PTK7: variants seen among roughly 807,000 people sequenced by gnomAD.
PTK7 encodes the protein protein tyrosine kinase 7 (inactive), also known as inactive tyrosine-protein kinase 7.
Under a neutral mutation model 116.6 loss-of-function variants are expected in PTK7, and 39 were observed. That is an observed-to-expected ratio of 0.33 (90% confidence interval 0.26 to 0.44). The LOEUF (loss-of-function observed/expected upper bound fraction) is 0.44, where lower values mean the gene tolerates loss of function less well. PTK7 is among the 20% of genes least tolerant of loss of function. PTK7 has a pLI of 1.00. For synonymous variants in PTK7, 546 were observed against 563.6 expected, an observed-to-expected ratio of 0.97 and a Z score of 0.44; for missense variants, 1,169 against 1,425.6, an observed-to-expected ratio of 0.82 and a Z score of 2.90.
intron 1 of PTK7, among the ~76,000 whole-genome samples, chr6:43,115,327 T>C (rs756440171): frequency 1.3e-5 from 2 of 152,082 alleles, no homozygotes; most frequent in African/African-American, 2.4e-5. Flanking sequence ...TATAAACTTA[T>C]TAGGAAGTTT....
At chr6:43,134,435 C>G (rs1410089990) in intron 7 of PTK7, among the ~76,000 whole-genome samples, 1 of 151,834 alleles carries the variant, frequency 6.6e-6, no homozygotes, top group African/African-American at 2.4e-5. Context: ...TCTCTTGAGC[C>G]CAGGAGTTTG....
rs747169169 is a variant in PTK7, at chr6:43,129,877, A to G, written c.470+48A>G. ...ATGAAGAGGGTTATTCCGGACAGGG[A>G]TGTCTCCCCAAATCTTGGACTCTAT... On this transcript the variant is annotated intron_variant, in intron 3 of 19. Coordinates refer to ENST00000230419, the MANE Select transcript of PTK7 (RefSeq NM_002821.5). This position sits in a 1 kb window ranked among gnomAD's most constrained non-coding sequence, Gnocchi z 4.5. 5 of 1,558,082 alleles carry G rather than the reference A, an allele frequency of 3.2e-6. No individual in the cohort carries two copies. The African/African-American group carries it at 6.8e-5, about 21-fold the overall frequency.
chr6:43,087,095 A>C (rs2150374303), intron 1 of PTK7, among the ~76,000 whole-genome samples: 1 of 152,282 alleles, frequency 6.6e-6, no homozygotes, highest in East Asian at 1.9e-4. Flanking sequence ...AGCCCTCTTC[A>C]CTACTGTTCT....
At chr6:43,117,658 C>T (rs889456035) in intron 1 of PTK7, among the ~76,000 whole-genome samples, 2 of 152,080 alleles carry the variant, frequency 1.3e-5, no homozygotes, top group Non-Finnish European at 2.9e-5. Flanking sequence ...TGGTTCACGC[C>T]AGTCCCAGTC....
intron 1 of PTK7, among the ~76,000 whole-genome samples, chr6:43,101,683 A>C (rs1161769449): frequency 2.0e-5 from 3 of 152,250 alleles, no homozygotes; most frequent in Non-Finnish European, 2.9e-5. Flanking sequence ...GAACAGATGG[A>C]CAACAGCCTG....
intron 1 of PTK7, among the ~76,000 whole-genome samples, chr6:43,125,406 T>C (rs2150421699): frequency 6.6e-6 from 1 of 152,184 alleles, no homozygotes; most frequent in Admixed American, 6.5e-5. Context: ...TGCTGGAGGC[T>C]GAGCTGGGGG....
At chr6:43,108,518 G>A (rs896178341) in intron 1 of PTK7, among the ~76,000 whole-genome samples, 15 of 151,200 alleles carry the variant, frequency 9.9e-5, no homozygotes, top group African/African-American at 3.6e-4. Flanking sequence ...TCCCATCTCA[G>A]CCTCCCAAGT....
intron 7 of PTK7, among the ~76,000 whole-genome samples, chr6:43,133,964 A>G (rs1011910456): frequency 1.3e-5 from 2 of 152,230 alleles, no homozygotes; most frequent in African/African-American, 4.8e-5. Context: ...CTCACAGTGC[A>G]GGTGCAAAGG....
chr6:43,081,278 C>T (rs745724307), intron 1 of PTK7, among the ~76,000 whole-genome samples: 2 of 152,218 alleles, frequency 1.3e-5, no homozygotes, highest in Admixed American at 6.5e-5. Context: ...GTCATTCTTG[C>T]GACACCATCC....
chr6:43,138,618 T>C, intron 7 of PTK7: 1 of 451,320 alleles, frequency 2.2e-6, no homozygotes, highest in Non-Finnish European at 3.9e-6. Flanking sequence ...GCCATAATTG[T>C]GTCACTCTAC....
chr6:43,147,689 T>C (rs1770802911), intron 17 of PTK7, among the ~76,000 whole-genome samples: 1 of 152,204 alleles, frequency 6.6e-6, no homozygotes, highest in African/African-American at 2.4e-5. Context: ...CCAATCTCTC[T>C]GGGGAAGCAG....
At position 43,139,552 on chromosome 6, in the gene PTK7, G is replaced by A. The variant is rs776336436; in HGVS notation, c.1618+27G>A. 1 of 1,613,020 alleles carries A rather than the reference G, an allele frequency of 6.2e-7. No individual in the cohort carries two copies. The highest frequency in any genetic ancestry group is 2.2e-5 in the East Asian group (1 of 44,882). On this transcript the variant is annotated intron_variant, in intron 10 of 19. Transcript: ENST00000230419. This position sits in a 1 kb window ranked among gnomAD's most constrained non-coding sequence, Gnocchi z 4.6. ...TGGGTACAGTGCCGGCATAGGGTAG[G>A]GGCAGGCAGGCAGTTCACTGATCAG...
At chr6:43,110,365 A>T (rs1178183633) in intron 1 of PTK7, among the ~76,000 whole-genome samples, 2 of 150,776 alleles carry the variant, frequency 1.3e-5, no homozygotes, top group African/African-American at 4.9e-5. Context: ...CCATGTTTCT[A>T]TTAGAATTTT....
At chr6:43,140,703 T>G (rs929433568) in intron 10 of PTK7, among the ~76,000 whole-genome samples, 6 of 152,060 alleles carry the variant, frequency 3.9e-5, no homozygotes. Context: ...ACCTGGGCAA[T>G]ACAGGGAGAC....
At position 43,109,701 on chromosome 6, in the gene PTK7, C is replaced by CT. The variant is rs869108681; in HGVS notation, c.80-19261dup. Among the ~76,000 whole-genome samples, 367 of 139,752 alleles carry CT rather than the reference C, an allele frequency of 2.6e-3. 2 individuals are homozygous for CT. The highest frequency in any genetic ancestry group is 3.7e-3 in the Middle Eastern group (1 of 268). The allele number at this position is 139,752 out of a possible 152,430, so 91.7% of individuals were successfully genotyped here. A position where few individuals can be genotyped will look rare whatever the true frequency, so the allele number is the denominator to read the frequency against. On this transcript the variant is annotated intron_variant, in intron 1 of 19. Coordinates refer to ENST00000230419, the MANE Select transcript of PTK7 (RefSeq NM_002821.5). ...GATTACTAGTGCATTGGAGTATTTT[C>CT]TTTTTTTTTTTTTTTGAGACAGAGT... is the stretch of plus-strand genomic sequence containing the variant.
At chr6:43,109,598 C>T (rs1419572775) in intron 1 of PTK7, among the ~76,000 whole-genome samples, 1 of 152,090 alleles carries the variant, frequency 6.6e-6, no homozygotes, top group Non-Finnish European at 1.5e-5. Flanking sequence ...TCTCCATATG[C>T]TTACCAGCGT....
chr6:43,157,788 G>T (rs553363351), intron 17 of PTK7, among the ~76,000 whole-genome samples: 1 of 151,718 alleles, frequency 6.6e-6, no homozygotes, highest in East Asian at 2.0e-4. Flanking sequence ...GTGCAATGGC[G>T]CAATCTCGGC....
intron 1 of PTK7, among the ~76,000 whole-genome samples, chr6:43,096,704 G>A (rs1425551057): frequency 6.6e-6 from 1 of 152,200 alleles, no homozygotes; most frequent in Non-Finnish European, 1.5e-5. Context: ...GGTCTGCCTG[G>A]GCTAGCCTGG....
Position 43,120,356 on chromosome 6 carries a change from A to G in PTK7, c.80-8621A>G, listed in dbSNP as rs144171242. ...CTTGGGGGATAAAGCTCTCAGTCACAGCAGAGGCAAGAGTGATGGGGTATC... is the reference window on the plus strand; with the variant it reads ...CTTGGGGGATAAAGCTCTCAGTCACGGCAGAGGCAAGAGTGATGGGGTATC... On this transcript the variant is annotated intron_variant, in intron 1 of 19. Transcript: ENST00000230419. Among the ~76,000 whole-genome samples the G allele has an allele frequency of 4.7e-3, 720 of 152,312 alleles. 3 individuals are homozygous for G. The highest frequency in any genetic ancestry group is 8.0e-3 in the Non-Finnish European group (543 of 68,024).
Sources: gnomAD v4.1 joint callset for allele counts (sites outside exome capture counted in the v4.1 genomes callset) on GRCh38, gnomAD v4.1.1 for gene constraint, Gnocchi (gnomAD v3.1) non-coding constraint, MANE v1.5 for transcripts, NCBI Gene and HGNC (gene_info 2026-07-23, HGNC 2026-07-21) for gene names.